Variants in FUT8 observed in about 807,000 individuals in gnomAD.
FUT8 encodes fucosyltransferase 8, also known as alpha-(1,6)-fucosyltransferase.
In FUT8, 29 loss-of-function variants were observed where a neutral mutation model predicts 71.3. That is an observed-to-expected ratio of 0.41 (90% confidence interval 0.30 to 0.55). FUT8 has a LOEUF of 0.55. Among genes scored for constraint, FUT8 ranks in the 20% least tolerant of loss-of-function variants. FUT8 has a pLI of 0.34. For missense variants in FUT8, 544 were observed against 702.1 expected, an observed-to-expected ratio of 0.77 and a Z score of 2.55; for synonymous variants, 254 against 239.3, an observed-to-expected ratio of 1.06 and a Z score of -0.57.
At chr14:65,415,489 C>T (rs1310548724) in intron 1 of FUT8, among the ~76,000 whole-genome samples, 1 of 152,112 alleles carries the variant, frequency 6.6e-6, no homozygotes, top group East Asian at 1.9e-4. Flanking sequence ...ATTTTCTTAA[C>T]CTTCTTGTCC....
intron 7 of FUT8, among the ~76,000 whole-genome samples, chr14:65,714,422 T>G (rs1894953251): frequency 2.8e-5 from 1 of 35,100 alleles, no homozygotes; most frequent in South Asian, 5.5e-4. Context: ...ATATAAATTT[T>G]ATTTATTTAT....
Position 65,567,582 on chromosome 14 carries a change from T to C in FUT8, c.203+5816T>C, listed in dbSNP as rs181094483. 3.9e-5 allele frequency among the ~76,000 whole-genome samples: 6 copies of C among 152,084 alleles called. No homozygotes were observed. The East Asian group carries it at 1.2e-3, about 29-fold the overall frequency. Reference sequence around the variant, plus strand: ...ATATTCTTAAAGCCAGTGAGATAGATTGGAATGTGTACAGCACCTGCCATC... The same window carrying C: ...ATATTCTTAAAGCCAGTGAGATAGACTGGAATGTGTACAGCACCTGCCATC... On this transcript the variant is annotated intron_variant, in intron 3 of 10. Transcript: ENST00000673929.
chr14:65,493,081 A>G lies in FUT8; in HGVS notation c.-228+37363A>G, dbSNP rs117434231. On this transcript the variant is annotated intron_variant, in intron 2 of 10. Coordinates refer to ENST00000673929, the MANE Select transcript of FUT8 (RefSeq NM_001371533.1). Reference sequence around the variant, plus strand: ...CAAGCGTGAATCAGTGGCCAAGTCAAAGTGCCATAAGGAATGTACAATTTT... The same window carrying G: ...CAAGCGTGAATCAGTGGCCAAGTCAGAGTGCCATAAGGAATGTACAATTTT... 6.2e-3 allele frequency among the ~76,000 whole-genome samples: 947 copies of G among 152,254 alleles called. 11 individuals carry two copies. Among genetic ancestry groups the G allele is most frequent in the East Asian group, 0.035 (183 of 5,184 alleles).
intron 2 of FUT8, among the ~76,000 whole-genome samples, chr14:65,533,348 TC>T (rs1213379692): frequency 6.6e-6 from 1 of 152,210 alleles, no homozygotes; most frequent in Non-Finnish European, 1.5e-5. Flanking sequence ...GTTTTGTAAT[TC>T]TCATTGTAAA....
intron 7 of FUT8, among the ~76,000 whole-genome samples, chr14:65,685,525 G>A (rs1385661438): frequency 4.6e-5 from 7 of 152,114 alleles, no homozygotes; most frequent in Non-Finnish European, 8.8e-5. Context: ...ACGAGAATTT[G>A]GGGCAAGTCC....
At chr14:65,717,366 C>G (rs1895157056) in intron 7 of FUT8, among the ~76,000 whole-genome samples, 2 of 146,780 alleles carry the variant, frequency 1.4e-5, no homozygotes. Flanking sequence ...CCTCACTTCC[C>G]AGACGGGGCG....
rs187828290 is a variant in FUT8, at chr14:65,713,215, T to C, written c.836-8560T>C. Among the ~76,000 whole-genome samples the C allele has an allele frequency of 2.2e-3, 330 of 152,332 alleles. 4 individuals carry two copies. The highest frequency in any genetic ancestry group is 0.02 in the Admixed American group (302 of 15,308). ...ACACAGTGACCTCCAGTTCCATCCA[T>C]GTTGTTGCAAATGACAGGGTCTCAT... On this transcript the variant is annotated intron_variant, in intron 7 of 10. Transcript: ENST00000673929.
chr14:65,537,414 A>C (rs1884392752), intron 2 of FUT8, among the ~76,000 whole-genome samples: 1 of 151,554 alleles, frequency 6.6e-6, no homozygotes, highest in Non-Finnish European at 1.5e-5. Flanking sequence ...TTTTGACGGA[A>C]TCTTGCTCTG....
rs761836781 is a variant in FUT8, at chr14:65,724,190, T to C, written c.1126T>C (p.Phe376Leu). Residue 376 changes from phenylalanine (F) to leucine (L), a missense_variant, in exon 9 of 11, where the codon TTC becomes CTC. Physicochemically the swap from Phe to Leu is conservative, Grantham distance 22. Coordinates refer to ENST00000673929, the MANE Select transcript of FUT8 (RefSeq NM_001371533.1). ...RTDKVGTEAAFHPIEEYMVHV... is the reference protein window; with the variant it reads ...RTDKVGTEAALHPIEEYMVHV... ...AGACAAAGTGGGAACAGAAGCTGCC[T>C]TCCATCCCATTGAAGAGTACATGGT... 6.2e-7 allele frequency: 1 copy of C among 1,608,070 alleles called. No individual in the cohort carries two copies. Among genetic ancestry groups the C allele is most frequent in the Non-Finnish European group, 8.5e-7 (1 of 1,178,544 alleles).
the FUT8 span, among the ~76,000 whole-genome samples, chr14:65,384,362 C>G: frequency 6.6e-6 from 1 of 152,148 alleles, no homozygotes; most frequent in Admixed American, 6.5e-5. This position sits in a 1 kb window ranked among gnomAD's most constrained non-coding sequence, Gnocchi z 4.2. Context: ...GATCCTCCTG[C>G]TTCAGCCTCC....
chr14:65,649,603 G>C (rs1891268086), intron 6 of FUT8, among the ~76,000 whole-genome samples: 1 of 152,134 alleles, frequency 6.6e-6, no homozygotes, highest in Non-Finnish European at 1.5e-5. Context: ...TGAACTCTAA[G>C]GAAAAGCTTT....
intron 3 of FUT8, among the ~76,000 whole-genome samples, chr14:65,610,229 G>A (rs1380941169): frequency 1.3e-5 from 2 of 151,716 alleles, no homozygotes; most frequent in African/African-American, 2.4e-5. Flanking sequence ...TTCCAATATC[G>A]TGGTGAGTAG....
intron 3 of FUT8, among the ~76,000 whole-genome samples, chr14:65,598,305 C>T (rs887771319): frequency 3.9e-4 from 60 of 152,260 alleles, no homozygotes; most frequent in African/African-American, 1.4e-3. Context: ...TCACTGCAAC[C>T]TCTGCCACCC....
chr14:65,734,896 G>A (rs766994051), intron 10 of FUT8, among the ~76,000 whole-genome samples: 1 of 152,076 alleles, frequency 6.6e-6, no homozygotes, highest in African/African-American at 2.4e-5. Flanking sequence ...GTGAGGAGCC[G>A]TATTCTGCAT....
chr14:65,500,479 A>G (rs1272088097), intron 2 of FUT8, among the ~76,000 whole-genome samples: 2 of 152,176 alleles, frequency 1.3e-5, no homozygotes, highest in Non-Finnish European at 2.9e-5. Flanking sequence ...GCTACATTTT[A>G]GGTCTTCTCT....
upstream of FUT8, chr14:65,411,048 T>G (rs1271281333): frequency 6.6e-6 from 1 of 152,240 alleles, no homozygotes; most frequent in East Asian, 1.9e-4. Context: ...TAATCCCACA[T>G]AAGTCTAAAA....
upstream of FUT8, chr14:65,411,902 C>A: frequency 2.6e-6 from 1 of 380,306 alleles, no homozygotes; most frequent in Non-Finnish European, 5.1e-6. Flanking sequence ...CTCCGGTCCT[C>A]CCGCTCAGCT....
Position 65,561,405 on chromosome 14 carries a change from A to G in FUT8, c.-159A>G, listed in dbSNP as rs1885906051. The G allele has an allele frequency of 1.5e-6, 1 of 658,864 alleles. No homozygotes were observed. Among genetic ancestry groups the G allele is most frequent in the Non-Finnish European group, 2.6e-6 (1 of 377,636 alleles). 40.8% of individuals were successfully genotyped at this position (658,864 alleles called of 1,614,324 possible). A position where few individuals can be genotyped will look rare whatever the true frequency, so the allele number is the denominator to read the frequency against. On this transcript the variant is annotated 5_prime_UTR_variant, in exon 3 of 11. Coordinates refer to ENST00000673929, the MANE Select transcript of FUT8 (RefSeq NM_001371533.1). ...ATATCACCAGGAGGATCTCTTTGAA[A>G]GATTCACTGCAGGACTACCAGAGAG...
the FUT8 span, among the ~76,000 whole-genome samples, chr14:65,380,315 A>G: frequency 6.6e-6 from 1 of 152,106 alleles, no homozygotes; most frequent in Non-Finnish European, 1.5e-5. Context: ...CCATGATTCA[A>G]TTACCTCCCC....
Sources: gnomAD v4.1 joint callset for allele counts (sites outside exome capture counted in the v4.1 genomes callset) on GRCh38, gnomAD v4.1.1 for gene constraint, Gnocchi (gnomAD v3.1) non-coding constraint, MANE v1.5 for transcripts, NCBI Gene and HGNC (gene_info 2026-07-23, HGNC 2026-07-21) for gene names.